PPP1R12A: variants seen among roughly 807,000 people sequenced by gnomAD.
PPP1R12A encodes the protein myosin binding subunit.
PPP1R12A carries 19 observed loss-of-function variants against 139.6 expected under a neutral mutation model. That is an observed-to-expected ratio of 0.14 (90% CI 0.09 to 0.20). The LOEUF (loss-of-function observed/expected upper bound fraction) is 0.20. PPP1R12A is among the 10% of genes least tolerant of loss of function. The pLI is 1.00. For missense variants in PPP1R12A, 925 were observed against 1,211.5 expected, an observed-to-expected ratio of 0.76 and a Z score of 3.51; for synonymous variants, 427 against 420.6, an observed-to-expected ratio of 1.02 and a Z score of -0.19.
intron 3 of PPP1R12A, among the ~76,000 whole-genome samples, chr12:79,842,884 T>C (rs1878907965): frequency 6.6e-6 from 1 of 151,696 alleles, no homozygotes; most frequent in African/African-American, 2.4e-5. Context: ...CACATTGTTG[T>C]GTAACATATC....
intron 3 of PPP1R12A, among the ~76,000 whole-genome samples, chr12:79,833,044 G>C (rs1201090133): frequency 6.6e-6 from 1 of 151,882 alleles, no homozygotes; most frequent in African/African-American, 2.4e-5. Context: ...CATAATTTTA[G>C]TAAGTTATAT....
intron 2 of PPP1R12A, among the ~76,000 whole-genome samples, chr12:79,864,806 G>A (rs1592734857): frequency 6.6e-6 from 1 of 152,126 alleles, no homozygotes; most frequent in South Asian, 2.1e-4. Context: ...ACAATAACAG[G>A]TTCTGAAATT....
chr12:79,778,576 T>G lies in PPP1R12A; in HGVS notation c.2980A>C (p.Ile994Leu). Residue 994 changes from isoleucine to leucine, a missense_variant, in exon 24 of 25, where the codon ATA becomes CTA. By Grantham distance (5) the Ile-to-Leu change is conservative (BLOSUM62 2). Transcript: ENST00000450142. Reference protein sequence around the residue: ...KRERRALERRISEMEEELKML... With the variant: ...KRERRALERRLSEMEEELKML... ...TTGAGCTCTTCTTCCATTTCAGATA[T>G]TCTTCTTTCTAGAGCTCTTCGTTCC... 6.5e-7 allele frequency: 1 copy of G among 1,534,824 alleles called. No individual in the cohort carries two copies. The highest frequency in any genetic ancestry group is 8.8e-7 in the Non-Finnish European group (1 of 1,136,592).
In PPP1R12A at chr12:79,774,331, CA is replaced by C. The variant is rs1455076176; in HGVS notation, c.*1597del. 2 of 152,348 alleles carry C rather than the reference CA, an allele frequency of 1.3e-5. No homozygotes were observed. The allele number at this position is 152,348 out of a possible 1,614,324, so 9.4% of individuals were successfully genotyped here. ...AGAGAGGACTTAAAATCCTGCTTAC[CA>C]AAACACCCTTCCCCAACCCCAAAGT... On this transcript the variant is annotated 3_prime_UTR_variant, in exon 25 of 25. Coordinates refer to ENST00000450142, the MANE Select transcript of PPP1R12A (RefSeq NM_002480.3).
intron 1 of PPP1R12A, among the ~76,000 whole-genome samples, chr12:79,874,013 C>G (rs766443559): frequency 2.6e-5 from 4 of 152,140 alleles, no homozygotes; most frequent in Non-Finnish European, 5.9e-5. Flanking sequence ...CGGTGGCTCA[C>G]GCCTGTAATC....
chr12:79,891,818 G>GA (rs1468484029), intron 1 of PPP1R12A, among the ~76,000 whole-genome samples: 1 of 152,186 alleles, frequency 6.6e-6, no homozygotes, highest in Non-Finnish European at 1.5e-5. Context: ...GCCATGTTGA[G>GA]AGACACATGT....
chr12:79,805,581 C>T lies in PPP1R12A; in HGVS notation c.2000+11G>A, dbSNP rs769309533. The T allele has an allele frequency of 5.0e-6, 8 of 1,612,828 alleles. No individual in the cohort carries two copies. The South Asian group carries it at 8.8e-5, about 18-fold the overall frequency. On this transcript the variant is annotated intron_variant, in intron 14 of 24. Coordinates refer to ENST00000450142, the MANE Select transcript of PPP1R12A (RefSeq NM_002480.3). ...AGATATATCAGCAGTACTGTTATGA[C>T]CTTTACACACCTGCGTCTCTCCCTG...
intron 1 of PPP1R12A, among the ~76,000 whole-genome samples, chr12:79,924,779 T>G (rs185755850): frequency 3.3e-5 from 5 of 152,150 alleles, no homozygotes; most frequent in Non-Finnish European, 5.9e-5. Flanking sequence ...AAGACTATGT[T>G]CACAAACTAT....
At chr12:79,933,000 G>C (rs1029160323) in intron 1 of PPP1R12A, among the ~76,000 whole-genome samples, 2 of 152,118 alleles carry the variant, frequency 1.3e-5, no homozygotes, top group Non-Finnish European at 2.9e-5. Context: ...AAGTACACTT[G>C]AAAGAAATTT....
chr12:79,922,315 T>C (rs1887501752), intron 1 of PPP1R12A, among the ~76,000 whole-genome samples: 1 of 152,088 alleles, frequency 6.6e-6, no homozygotes, highest in African/African-American at 2.4e-5. Flanking sequence ...GTGGGTGACA[T>C]ATAGGGGATA....
intron 1 of PPP1R12A, among the ~76,000 whole-genome samples, chr12:79,895,368 T>C (rs1885040736): frequency 6.6e-6 from 1 of 152,216 alleles, no homozygotes; most frequent in African/African-American, 2.4e-5. Flanking sequence ...AAAGATTATA[T>C]GCTAATACTT....
chr12:79,863,857 C>T (rs967282273), intron 2 of PPP1R12A, among the ~76,000 whole-genome samples: 8 of 152,006 alleles, frequency 5.3e-5, no homozygotes, highest in South Asian at 2.1e-4. Flanking sequence ...TAGAGACCTA[C>T]GAAGAGACTT....
intron 3 of PPP1R12A, among the ~76,000 whole-genome samples, chr12:79,839,017 C>T (rs1237687798): frequency 2.0e-5 from 3 of 152,156 alleles, no homozygotes; most frequent in Non-Finnish European, 2.9e-5. Context: ...CAACACTGGC[C>T]CATGAAAGAA....
chr12:79,885,765 C>T (rs535657889), intron 1 of PPP1R12A, among the ~76,000 whole-genome samples: 3 of 152,298 alleles, frequency 2.0e-5, no homozygotes, highest in East Asian at 3.9e-4. Flanking sequence ...TCATTAGGAA[C>T]AGCTAATTAT....
chr12:79,919,269 CT>C (rs1471683746), intron 1 of PPP1R12A, among the ~76,000 whole-genome samples: 4 of 151,542 alleles, frequency 2.6e-5, no homozygotes, highest in Admixed American at 2.6e-4. Context: ...TCCAGAAAGT[CT>C]TCTCAGCCGG....
intron 1 of PPP1R12A, 78 bp downstream of exon 1, chr12:79,934,617 G>A: frequency 7.7e-7 from 1 of 1,297,460 alleles, no homozygotes. Context: ...TCAAGAGGTG[G>A]AGAACTGAGG....
intron 1 of PPP1R12A, among the ~76,000 whole-genome samples, chr12:79,886,663 A>G (rs1884132529): frequency 1.3e-5 from 2 of 152,184 alleles, no homozygotes; most frequent in African/African-American, 2.4e-5. Context: ...TGAACTAGAC[A>G]TAGCAAATAC....
At chr12:79,807,038 G>A (rs1873922491) in intron 12 of PPP1R12A, 188 bp downstream of exon 12, 1 of 412,330 alleles carries the variant, frequency 2.4e-6, no homozygotes, top group Non-Finnish European at 4.3e-6. Flanking sequence ...TTATATAATA[G>A]GCATAACAAA....
At chr12:79,859,191 G>T (rs1447071516) in intron 2 of PPP1R12A, among the ~76,000 whole-genome samples, 1 of 151,934 alleles carries the variant, frequency 6.6e-6, no homozygotes, top group Admixed American at 6.6e-5. Flanking sequence ...AAAAAAATCA[G>T]CTGGGCATGG....
Sources: gnomAD v4.1 joint callset for allele counts (sites outside exome capture counted in the v4.1 genomes callset) on GRCh38, gnomAD v4.1.1 for gene constraint, MANE v1.5 for transcripts, NCBI Gene and HGNC (gene_info 2026-07-23, HGNC 2026-07-21) for gene names.